ABCA1: variants seen among roughly 807,000 people sequenced by gnomAD.
ABCA1 encodes the protein ATP binding cassette subfamily A member 1, also known as phospholipid-transporting ATPase ABCA1.
Under a neutral mutation model 262.5 loss-of-function variants are expected in ABCA1, and 133 were observed. That is an observed-to-expected ratio of 0.51 (90% CI 0.44 to 0.59). The LOEUF (loss-of-function observed/expected upper bound fraction) is 0.59. Ranked by LOEUF, ABCA1 falls within the 20% of genes least tolerant of loss-of-function variation. The pLI, the probability that ABCA1 is intolerant of heterozygous loss-of-function variation, is 0.00. For synonymous variants in ABCA1, 1,022 were observed against 1,043.5 expected, an observed-to-expected ratio of 0.98 and a Z score of 0.40; for missense variants, 2,452 against 2,777.5, an observed-to-expected ratio of 0.88 and a Z score of 2.63.
chr9:104,907,553 C>T (rs1841239183), intron 1 of ABCA1, among the ~76,000 whole-genome samples: 1 of 152,170 alleles, frequency 6.6e-6, no homozygotes, highest in Non-Finnish European at 1.5e-5. Context: ...GGCAGCACTC[C>T]TGGACCTGTG....
chr9:104,802,731 A>C (rs1404773797), intron 33 of ABCA1, among the ~76,000 whole-genome samples: 2 of 152,216 alleles, frequency 1.3e-5, no homozygotes, highest in East Asian at 3.8e-4. Flanking sequence ...ATGATGGACA[A>C]ACTGGCTTCA....
chr9:104,803,204 C>T, intron 33 of ABCA1, 80 bp downstream of exon 33: 3 of 1,510,234 alleles, frequency 2.0e-6, no homozygotes, highest in South Asian at 2.2e-5. Context: ...ACAAACAATC[C>T]CCAAGGCTTT....
chr9:104,894,484 G>C (rs1383083258), intron 2 of ABCA1, among the ~76,000 whole-genome samples: 1 of 152,134 alleles, frequency 6.6e-6, no homozygotes. Flanking sequence ...TATGTACCAG[G>C]GTTGTGAGTG....
intron 1 of ABCA1, among the ~76,000 whole-genome samples, chr9:104,920,568 G>A (rs964496515): frequency 6.6e-6 from 1 of 152,188 alleles, no homozygotes; most frequent in East Asian, 1.9e-4. Flanking sequence ...GCTCTGTGCA[G>A]TGGCACCATC....
intron 29 of ABCA1, among the ~76,000 whole-genome samples, chr9:104,810,335 A>C (rs781240622): frequency 1.3e-5 from 2 of 151,988 alleles, no homozygotes; most frequent in South Asian, 2.1e-4. Context: ...GGATATTTTT[A>C]TCTAAAGAAC....
intron 29 of ABCA1, 42 bp downstream of exon 29, chr9:104,810,758 C>G (rs1831207828): frequency 6.2e-7 from 1 of 1,613,848 alleles, no homozygotes. Flanking sequence ...CTTTGGTCTG[C>G]TCGAATCTTA....
At position 104,881,313 on chromosome 9, in the gene ABCA1, T is replaced by C. The variant is rs12341868; in HGVS notation, c.421+1726A>G. On this transcript the variant is annotated intron_variant, in intron 5 of 49. Coordinates refer to ENST00000374736, the MANE Select transcript of ABCA1 (RefSeq NM_005502.4). ...ACAAGGCCAGGTGCTCAGAAATGCA[T>C]CACTGTCTTAGAAAGAATACTGGCT... 4.5e-3 allele frequency among the ~76,000 whole-genome samples: 685 copies of C among 152,300 alleles called. 10 individuals carry two copies. The highest frequency in any genetic ancestry group is 0.015 in the African/African-American group (636 of 41,574).
chr9:104,817,301 C>T lies in ABCA1; in HGVS notation c.3535+31G>A, dbSNP rs770557708. The T allele has an allele frequency of 6.2e-7, 1 of 1,614,118 alleles. No homozygotes were observed. Among genetic ancestry groups the T allele is most frequent in the Non-Finnish European group, 8.5e-7 (1 of 1,180,010 alleles). On this transcript the variant is annotated intron_variant, in intron 24 of 49. Transcript: ENST00000374736. The surrounding 1 kb of genome is among the most constrained non-coding windows in gnomAD (Gnocchi z 4.7). Reference sequence around the variant, plus strand: ...TGCCCAGCTGGGGGAAGCTCAGGCACCACCTGAATAAGAAACCCCAGAGTC... The same window carrying T: ...TGCCCAGCTGGGGGAAGCTCAGGCATCACCTGAATAAGAAACCCCAGAGTC...
chr9:104,878,335 G>A (rs1009899087), intron 5 of ABCA1, among the ~76,000 whole-genome samples: 1 of 152,206 alleles, frequency 6.6e-6, no homozygotes, highest in Non-Finnish European at 1.5e-5. Flanking sequence ...AAGTGGGTGA[G>A]GCACCCTGTA....
intron 6 of ABCA1, chr9:104,861,364 G>A: frequency 1.1e-5 from 6 of 540,288 alleles, no homozygotes; most frequent in Non-Finnish European, 1.6e-5. Flanking sequence ...CCTCAGAACT[G>A]TGAATATTTT....
At chr9:104,791,063 C>T (rs753644046) in intron 43 of ABCA1, 35 bp from the exon 44 acceptor site, 38 of 1,490,138 alleles carry the variant, frequency 2.6e-5, no homozygotes, top group Non-Finnish European at 3.4e-5. Flanking sequence ...TAAGCAAACT[C>T]TAAAAACATG....
chr9:104,883,162 A>G lies in ABCA1; in HGVS notation c.303-5T>C, dbSNP rs776212207. On this transcript the variant is annotated splice_region_variant and splice_polypyrimidine_tract_variant and intron_variant, in intron 4 of 49. Coordinates refer to ENST00000374736, the MANE Select transcript of ABCA1 (RefSeq NM_005502.4). ...TCTGAGAACAGGCGAGCCACACTGT[A>G]AAGGGTGCAAGAAAAGGCGAAAGGC... is the stretch of plus-strand genomic sequence containing the variant. 5 of 1,612,760 alleles carry G rather than the reference A, an allele frequency of 3.1e-6. No homozygotes were observed. The South Asian group carries it at 5.5e-5, about 18-fold the overall frequency.
intron 1 of ABCA1, among the ~76,000 whole-genome samples, chr9:104,916,986 A>T (rs1841886218): frequency 6.6e-6 from 1 of 152,230 alleles, no homozygotes; most frequent in African/African-American, 2.4e-5. Flanking sequence ...CCCCAACATC[A>T]AAAATATGTT....
Position 104,788,576 on chromosome 9 carries a change from G to A in ABCA1, c.5928-9C>T, listed in dbSNP as rs1829129590. 4 of 1,614,064 alleles carry A rather than the reference G, an allele frequency of 2.5e-6. No homozygotes were observed. The highest frequency in any genetic ancestry group is 3.4e-6 in the Non-Finnish European group (4 of 1,179,982). ...GGATGTTTGATAAGATACTGCAAAG[G>A]ACAAGAAAACTACTTAGATTTTAAG... On this transcript the variant is annotated splice_polypyrimidine_tract_variant and intron_variant, in intron 44 of 49. Coordinates refer to ENST00000374736, the MANE Select transcript of ABCA1 (RefSeq NM_005502.4).
rs755139138 is a variant in ABCA1, at chr9:104,837,491, C to T, written c.1131G>A (p.Pro377=). 2.0e-5 allele frequency: 33 copies of T among 1,614,006 alleles called. No individual in the cohort carries two copies. Among genetic ancestry groups the T allele is most frequent in the Middle Eastern group, 1.6e-4 (1 of 6,084 alleles). The change falls in exon 10 of 50, where the codon CCG becomes CCA. Residue 377 remains proline (P), a synonymous_variant. Transcript: ENST00000374736. ...LSRIIWKALK[P]LLVGKILYTP... ...TATACAGGATCTTCCCAACGAGCAG[C>T]GGCTTCAGAGCTTTCCAGATAATGC...
At chr9:104,848,616 GAA>G (rs148335343) in intron 7 of ABCA1, among the ~76,000 whole-genome samples, 7 of 128,416 alleles carry the variant, frequency 5.5e-5, no homozygotes, top group South Asian at 2.4e-4. Flanking sequence ...CTCGGTCTCA[GAA>G]AAAAAAAAAA....
At chr9:104,826,441 G>A (rs1472157859) in intron 16 of ABCA1, among the ~76,000 whole-genome samples, 1 of 152,164 alleles carries the variant, frequency 6.6e-6, no homozygotes, top group Non-Finnish European at 1.5e-5. Flanking sequence ...AAGTGTCCAA[G>A]TCAGGAATTT....
At chr9:104,796,267 G>T (rs781584954) in intron 38 of ABCA1, 42 bp downstream of exon 38, 9 of 1,613,720 alleles carry the variant, frequency 5.6e-6, no homozygotes, top group East Asian at 2.2e-5. Flanking sequence ...GGCACCAAAT[G>T]CCTTATCCAC....
chr9:104,795,081 C>T (rs567530147), intron 39 of ABCA1, among the ~76,000 whole-genome samples: 4 of 152,274 alleles, frequency 2.6e-5, no homozygotes, highest in African/African-American at 7.2e-5. Context: ...AGTGGATGTA[C>T]GTTGTACTGG....
Sources: allele counts gnomAD v4.1 joint callset (sites outside exome capture counted in the v4.1 genomes callset), GRCh38; gene constraint gnomAD v4.1.1; non-coding constraint Gnocchi (gnomAD v3.1); transcripts MANE v1.5; gene names NCBI Gene and HGNC (gene_info 2026-07-23, HGNC 2026-07-21).